The following NBAS variants were observed in gnomAD, a reference collection of about 807,000 sequenced individuals.
NBAS encodes the protein NBAS subunit of NRZ tethering complex, also known as NAG/BC035112 fusion.
NBAS carries 219 observed loss-of-function variants against 302.5 expected under a neutral mutation model. That is an observed-to-expected ratio of 0.72 (90% CI 0.65 to 0.81). NBAS has a LOEUF of 0.81. Ranked by LOEUF, NBAS falls within the 30% of genes least tolerant of loss-of-function variation. NBAS has a pLI of 0.00. For synonymous variants in NBAS, 1,118 were observed against 1,021.6 expected, an observed-to-expected ratio of 1.09 and a Z score of -1.80; for missense variants, 2,932 against 2,841.6, an observed-to-expected ratio of 1.03 and a Z score of -0.72.
chr2:15,465,243 G>T (rs772474819), intron 19 of NBAS, among the ~76,000 whole-genome samples: 3 of 152,180 alleles, frequency 2.0e-5, no homozygotes, highest in Non-Finnish European at 4.4e-5. Flanking sequence ...ACTGTATGGA[G>T]ACTCCATTCT....
At chr2:15,132,425 A>G in the NBAS span, among the ~76,000 whole-genome samples, 1 of 152,204 alleles carries the variant, frequency 6.6e-6, no homozygotes, top group Non-Finnish European at 1.5e-5. Context: ...GGGGAGGAAG[A>G]AATGAATAGG....
intron 46 of NBAS, among the ~76,000 whole-genome samples, chr2:15,234,260 T>C (rs1054976894): frequency 2.6e-5 from 4 of 152,206 alleles, no homozygotes; most frequent in Non-Finnish European, 4.4e-5. Flanking sequence ...TACTTACCTG[T>C]GTCAAATGCC....
intron 38 of NBAS, among the ~76,000 whole-genome samples, chr2:15,322,310 C>G (rs937547955): frequency 6.6e-6 from 1 of 151,816 alleles, no homozygotes; most frequent in Admixed American, 6.6e-5. Context: ...ATGGGTGCAG[C>G]AAAGCAACAT....
the NBAS span, among the ~76,000 whole-genome samples, chr2:14,831,632 A>G: frequency 2.0e-5 from 3 of 152,162 alleles, no homozygotes; most frequent in Non-Finnish European, 2.9e-5. Context: ...ACCAAAATCA[A>G]GGAAGCTAGT....
intron 21 of NBAS, among the ~76,000 whole-genome samples, chr2:15,429,446 C>A (rs1399820351): frequency 6.6e-6 from 1 of 152,170 alleles, no homozygotes; most frequent in Non-Finnish European, 1.5e-5. Context: ...ATACAACACA[C>A]TTTGCACAAG....
intron 51 of NBAS, among the ~76,000 whole-genome samples, chr2:15,168,046 C>T (rs1183580368): frequency 6.6e-6 from 1 of 152,178 alleles, no homozygotes; most frequent in Non-Finnish European, 1.5e-5. Flanking sequence ...TATTCTCTTT[C>T]TCCCTGGTCT....
At position 15,524,628 on chromosome 2, in the gene NBAS, C is replaced by G. The variant is rs182726395; in HGVS notation, c.746+9915G>C. On this transcript the variant is annotated intron_variant, in intron 9 of 51. Coordinates refer to ENST00000281513, the MANE Select transcript of NBAS (RefSeq NM_015909.4). ...GCTATAATCAATGGAAGGGAGACGA[C>G]AACCAAATGAAATTTATTGCTATCC... 7.2e-5 allele frequency among the ~76,000 whole-genome samples: 11 copies of G among 152,180 alleles called. No homozygotes were observed. The East Asian group carries it at 2.1e-3, about 29-fold the overall frequency.
At chr2:15,235,145 T>A (rs930401444) in intron 45 of NBAS, among the ~76,000 whole-genome samples, 8 of 152,208 alleles carry the variant, frequency 5.3e-5, no homozygotes, top group African/African-American at 1.4e-4. Context: ...TACGACCACA[T>A]AATAATCTAT....
chr2:15,206,548 T>C (rs997915517), intron 48 of NBAS, among the ~76,000 whole-genome samples: 1 of 152,086 alleles, frequency 6.6e-6, no homozygotes, highest in Non-Finnish European at 1.5e-5. Flanking sequence ...ATGTCAGAGA[T>C]CTTCATGGGA....
the NBAS span, among the ~76,000 whole-genome samples, chr2:14,962,171 G>A: frequency 2.4e-4 from 37 of 152,272 alleles, no homozygotes; most frequent in East Asian, 1.9e-3. Context: ...CACAGCGTCC[G>A]TCCTGAGCTC....
At chr2:15,491,642 A>C (rs1005217563) in intron 11 of NBAS, among the ~76,000 whole-genome samples, 66 of 152,110 alleles carry the variant, frequency 4.3e-4, no homozygotes, top group African/African-American at 1.5e-3. Flanking sequence ...AGGCTGAGGC[A>C]GGTGAATGGC....
intron 40 of NBAS, among the ~76,000 whole-genome samples, chr2:15,296,111 G>T (rs1670538511): frequency 6.6e-6 from 1 of 152,110 alleles, no homozygotes; most frequent in South Asian, 2.1e-4. Flanking sequence ...CAAGAGTTTT[G>T]GGAACTCCAT....
At chr2:15,300,943 C>T (rs574300852) in intron 40 of NBAS, among the ~76,000 whole-genome samples, 1 of 152,290 alleles carries the variant, frequency 6.6e-6, no homozygotes, top group South Asian at 2.1e-4. Context: ...TCAGAGAAAT[C>T]TAAGTTCTGA....
chr2:15,013,007 G>A, the NBAS span, among the ~76,000 whole-genome samples: 6 of 152,196 alleles, frequency 3.9e-5, no homozygotes, highest in South Asian at 4.1e-4. Flanking sequence ...ACTGGCATCC[G>A]CCACCATGCC....
intron 21 of NBAS, among the ~76,000 whole-genome samples, chr2:15,430,459 GCA>G (rs1677706227): frequency 6.6e-6 from 1 of 152,150 alleles, no homozygotes; most frequent in South Asian, 2.1e-4. Flanking sequence ...ATAATCTTTA[GCA>G]CTGACTGATC....
chr2:14,988,031 G>GT, the NBAS span, among the ~76,000 whole-genome samples: 1 of 152,002 alleles, frequency 6.6e-6, no homozygotes, highest in Non-Finnish European at 1.5e-5. Context: ...TAAGGTGTCC[G>GT]TATTTGTCCA....
chr2:15,341,759 T>C lies in NBAS; in HGVS notation c.4179+10233A>G, dbSNP rs1371472170. 2.6e-5 allele frequency among the ~76,000 whole-genome samples: 4 copies of C among 152,310 alleles called. No homozygotes were observed. The East Asian group carries it at 5.8e-4, about 22-fold the overall frequency. On this transcript the variant is annotated intron_variant, in intron 35 of 51. Transcript: ENST00000281513. ...GATGTAGATTTGCCAATCTAATCAATATCATGATTCACACTCCTGCATATC... is the reference window on the plus strand; with the variant it reads ...GATGTAGATTTGCCAATCTAATCAACATCATGATTCACACTCCTGCATATC...
chr2:15,194,000 C>CA lies in NBAS; in HGVS notation c.6433-3598dup, dbSNP rs1368903557. Among the ~76,000 whole-genome samples, 433 of 146,302 alleles carry CA rather than the reference C, an allele frequency of 3.0e-3. 2 individuals carry two copies. The highest frequency in any genetic ancestry group is 1.0e-2 in the African/African-American group (398 of 39,996). On this transcript the variant is annotated intron_variant, in intron 48 of 51. Coordinates refer to ENST00000281513, the MANE Select transcript of NBAS (RefSeq NM_015909.4). ...TTCAGATATCTTCTGTCTCTCCAGC[C>CA]AAAAAAAAAATCAAAATAAAAGAAG...
intron 11 of NBAS, among the ~76,000 whole-genome samples, chr2:15,503,022 A>G (rs540711883): frequency 6.7e-4 from 102 of 152,154 alleles, no homozygotes; most frequent in African/African-American, 2.4e-3. Flanking sequence ...CTTTTTACAC[A>G]TTTTTGTTAA....
Sources: gnomAD v4.1 joint callset for allele counts (sites outside exome capture counted in the v4.1 genomes callset) on GRCh38, gnomAD v4.1.1 for gene constraint, MANE v1.5 for transcripts, NCBI Gene and HGNC (gene_info 2026-07-23, HGNC 2026-07-21) for gene names.